Variants in ACACB observed in about 807,000 individuals in gnomAD.
ACACB encodes the protein acetyl-CoA carboxylase beta, also known as acetyl-CoA carboxylase 2.
Under a neutral mutation model 278.8 loss-of-function variants are expected in ACACB, and 209 were observed. The ratio of observed to expected loss-of-function variants is 0.75; its 90% confidence interval spans 0.67 to 0.84. The LOEUF is 0.84. Ranked by LOEUF, ACACB falls within the 40% of genes least tolerant of loss-of-function variation. The pLI is 0.00. For synonymous variants in ACACB, 1,174 were observed against 1,285.6 expected, an observed-to-expected ratio of 0.91 and a Z score of 1.86; for missense variants, 2,850 against 3,269.0, an observed-to-expected ratio of 0.87 and a Z score of 3.13.
chr12:109,162,977 G>A (rs2043780652), intron 2 of ACACB, among the ~76,000 whole-genome samples: 2 of 152,146 alleles, frequency 1.3e-5, no homozygotes, highest in African/African-American at 4.8e-5. Context: ...AGGCTGGAGT[G>A]TAATGGCACA....
intron 1 of ACACB, among the ~76,000 whole-genome samples, chr12:109,118,181 T>C (rs1370229604): frequency 6.6e-6 from 1 of 152,208 alleles, no homozygotes; most frequent in African/African-American, 2.4e-5. Flanking sequence ...GATTTAGAGA[T>C]GAAAATATCT....
At chr12:109,208,518 C>G (rs1477288290) in intron 20 of ACACB, among the ~76,000 whole-genome samples, 1 of 152,182 alleles carries the variant, frequency 6.6e-6, no homozygotes, top group Non-Finnish European at 1.5e-5. Flanking sequence ...ATAATTGCAA[C>G]TTTTATTAGT....
At chr12:109,239,052 G>A (rs1317032585) in intron 34 of ACACB, among the ~76,000 whole-genome samples, 1 of 151,900 alleles carries the variant, frequency 6.6e-6, no homozygotes, top group Non-Finnish European at 1.5e-5. Flanking sequence ...AAGTAGCTGG[G>A]ATTATAGGCG....
chr12:109,217,142 C>T (rs766076060), intron 24 of ACACB, among the ~76,000 whole-genome samples: 10 of 152,106 alleles, frequency 6.6e-5, no homozygotes, highest in Admixed American at 5.9e-4. Context: ...ATTAGCTGGC[C>T]ATGGTGGTGC....
At position 109,239,847 on chromosome 12, in the gene ACACB, C is replaced by A; in HGVS notation, c.4680C>A (p.Tyr1560Ter). The A allele has an allele frequency of 1.2e-6, 2 of 1,613,488 alleles. No homozygotes were observed. Among genetic ancestry groups the A allele is most frequent in the East Asian group, 4.5e-5 (2 of 44,830 alleles). ...DLITKEASFE[Y>*]LQNEGERLLL... Reference sequence around the variant, plus strand: ...TTTGGCAGGAAGCCTCCTTCGAATACCTGCAGAACGAGGGTGAGCGGCTGC... The same window carrying A: ...TTTGGCAGGAAGCCTCCTTCGAATAACTGCAGAACGAGGGTGAGCGGCTGC... Residue 1560 changes from tyrosine to a stop codon, truncating the protein, a stop_gained, in exon 35 of 53, where the codon TAC becomes TAA. Coordinates refer to ENST00000338432, the MANE Select transcript of ACACB (RefSeq NM_001093.4). LOFTEE classifies it high-confidence loss of function.
At chr12:109,178,912 C>G (rs1177291386) in intron 9 of ACACB, among the ~76,000 whole-genome samples, 176 bp from the exon 10 acceptor site, 1 of 152,168 alleles carries the variant, frequency 6.6e-6, no homozygotes, top group African/African-American at 2.4e-5. Context: ...ACTGTGGAGT[C>G]GGGACTCCAC....
chr12:109,194,980 C>T (rs2136301014), intron 16 of ACACB, among the ~76,000 whole-genome samples: 1 of 152,250 alleles, frequency 6.6e-6, no homozygotes, highest in East Asian at 1.9e-4. Flanking sequence ...ACTGGAGTCC[C>T]TGGGGCTTAT....
chr12:109,192,185 G>A (rs558370204), intron 15 of ACACB, among the ~76,000 whole-genome samples: 48 of 152,272 alleles, frequency 3.2e-4, no homozygotes, highest in Middle Eastern at 6.8e-3. Flanking sequence ...ACAGGCTGTT[G>A]TGTACGGATC....
In ACACB at chr12:109,262,604, A is replaced by G. The variant is rs1011950080; in HGVS notation, c.6787+135A>G. On this transcript the variant is annotated intron_variant, in intron 49 of 52. Coordinates refer to ENST00000338432, the MANE Select transcript of ACACB (RefSeq NM_001093.4). ...AGCTATAATAACTGTGAGATTTTTA[A>G]AGATATTCACATTTGTCTGTTTGTT... 5 of 598,374 alleles carry G rather than the reference A, an allele frequency of 8.4e-6. No individual in the cohort carries two copies. In the African/African-American group the frequency reaches 9.3e-5, roughly 11 times the overall value. The allele number at this position is 598,374 out of a possible 1,614,324, so 37.1% of individuals were successfully genotyped here. A position where few individuals can be genotyped will look rare whatever the true frequency, so the allele number is the denominator to read the frequency against.
In ACACB at chr12:109,193,675, A is replaced by G. The variant is rs760446261; in HGVS notation, c.2427A>G (p.Leu809=). Residue 809 remains leucine, a synonymous_variant, in exon 16 of 53, where the codon CTA becomes CTG. Coordinates refer to ENST00000338432, the MANE Select transcript of ACACB (RefSeq NM_001093.4). ...ERGQVLPADS[L]LNLVDVELIY... is the part of the protein sequence containing the mutation. The stretch of plus-strand genomic sequence containing the variant: ...GCCAGGTCCTCCCAGCGGATTCACT[A>G]CTGAACCTCGTAGATGTGGAATTAA... 1.9e-6 allele frequency: 3 copies of G among 1,613,898 alleles called. No homozygotes were observed. Among genetic ancestry groups the G allele is most frequent in the African/African-American group, 1.3e-5 (1 of 75,036 alleles).
intron 48 of ACACB, 102 bp from the exon 49 acceptor site, chr12:109,262,255 A>C: frequency 3.5e-6 from 3 of 861,652 alleles, no homozygotes; most frequent in Non-Finnish European, 5.6e-6. Context: ...ACTGACACCC[A>C]GATCTTCTGG....
chr12:109,230,384 T>C (rs1000469478), intron 28 of ACACB, among the ~76,000 whole-genome samples: 23 of 151,806 alleles, frequency 1.5e-4, no homozygotes, highest in Non-Finnish European at 3.2e-4. Context: ...GTGTAAGATA[T>C]TTTGTAGCTG....
rs181464188 is a variant in ACACB, at chr12:109,233,781, C to T, written c.4173C>T (p.Asn1391=). The change falls in exon 30 of 53, where the codon AAC becomes AAT. Residue 1391 remains asparagine, a synonymous_variant. Coordinates refer to ENST00000338432, the MANE Select transcript of ACACB (RefSeq NM_001093.4). ...ATGAAGTCATCTCTTGCTTCGCCAA[C>T]GTGCCCAAAGACACCCCCCTCTTCA... ...NFDEVISCFA[N]VPKDTPLFSE... 205 of 1,614,038 alleles carry T rather than the reference C, an allele frequency of 1.3e-4. No homozygotes were observed. The highest frequency in any genetic ancestry group is 1.2e-3 in the Middle Eastern group (7 of 6,084).
At position 109,140,187 on chromosome 12, in the gene ACACB, AAGG is replaced by A. The variant is rs779985948; in HGVS notation, c.653+132_653+134del. 360 of 892,920 alleles carry A rather than the reference AAGG, an allele frequency of 4.0e-4. 1 individual carries two copies. The highest frequency in any genetic ancestry group is 5.2e-4 in the Non-Finnish European group (333 of 642,104). The allele number at this position is 892,920 out of a possible 1,614,324, so 55.3% of individuals were successfully genotyped here. ...AAGCTTCAAGGGTGGCTATGCACAA[AAGG>A]AGAAGACACGAGCCTTCTCAGAAGT... is the stretch of plus-strand genomic sequence containing the variant. On this transcript the variant is annotated intron_variant, in intron 2 of 52. Coordinates refer to ENST00000338432, the MANE Select transcript of ACACB (RefSeq NM_001093.4).
intron 1 of ACACB, among the ~76,000 whole-genome samples, chr12:109,135,572 A>C (rs1160962447): frequency 6.6e-6 from 1 of 151,772 alleles, no homozygotes; most frequent in African/African-American, 2.4e-5. Context: ...GACTTCATCA[A>C]GAAGCATCCA....
intron 36 of ACACB, 67 bp from the exon 37 acceptor site, chr12:109,242,370 G>A: frequency 1.3e-6 from 2 of 1,542,418 alleles, no homozygotes; most frequent in Admixed American, 3.4e-5. Flanking sequence ...TGAGGACTGG[G>A]CAGAAATAAA....
intron 1 of ACACB, among the ~76,000 whole-genome samples, chr12:109,117,070 T>A (rs1421033023): frequency 6.8e-6 from 1 of 147,474 alleles, no homozygotes; most frequent in Non-Finnish European, 1.5e-5. Flanking sequence ...TTTTTTTTTT[T>A]AAAGCAGACT....
In ACACB at chr12:109,224,029, G is replaced by T. The variant is rs2046250695; in HGVS notation, c.3882+125G>T. 35 of 848,628 alleles carry T rather than the reference G, an allele frequency of 4.1e-5. No individual in the cohort carries two copies. The South Asian group carries it at 4.1e-4, about 10-fold the overall frequency. 52.6% of individuals were successfully genotyped at this position (848,628 alleles called of 1,614,324 possible). A position where few individuals can be genotyped will look rare whatever the true frequency, so the allele number is the denominator to read the frequency against. ...GTGATCCTATCCTTTTCTCTTCAAG[G>T]TAGCTATGTTAATAGTCCCATCTTA... is the stretch of plus-strand genomic sequence containing the variant. On this transcript the variant is annotated intron_variant, in intron 27 of 52. Transcript: ENST00000338432.
chr12:109,236,946 G>A (rs1418147815), intron 33 of ACACB, among the ~76,000 whole-genome samples: 1 of 152,110 alleles, frequency 6.6e-6, no homozygotes, highest in Non-Finnish European at 1.5e-5. Flanking sequence ...CAACAGGCTT[G>A]CAATGCCCAT....
Sources: allele counts gnomAD v4.1 joint callset (sites outside exome capture counted in the v4.1 genomes callset), GRCh38; gene constraint gnomAD v4.1.1; transcripts MANE v1.5; gene names NCBI Gene and HGNC (gene_info 2026-07-23, HGNC 2026-07-21).